The following FAM161A variants were observed in gnomAD, a reference collection of about 807,000 sequenced individuals.
FAM161A encodes the protein protein FAM161A.
A neutral mutation model predicts 70.9 loss-of-function variants in FAM161A; 57 were observed. The observed-to-expected ratio is 0.80, with a 90% CI of 0.65 to 1.00. FAM161A has a LOEUF of 1.00. Among genes scored for constraint, FAM161A ranks in the 50% least tolerant of loss-of-function variants. FAM161A has a pLI of 0.00. For missense variants in FAM161A, 880 were observed against 836.0 expected, an observed-to-expected ratio of 1.05 and a Z score of -0.65; for synonymous variants, 299 against 295.7, an observed-to-expected ratio of 1.01 and a Z score of -0.12.
the FAM161A span, among the ~76,000 whole-genome samples, chr2:61,819,074 G>A: frequency 2.6e-5 from 4 of 152,152 alleles, no homozygotes; most frequent in African/African-American, 9.7e-5. Flanking sequence ...AACAATTAGA[G>A]AAATCTAAAT....
intron 1 of FAM161A, among the ~76,000 whole-genome samples, chr2:61,850,454 T>C (rs113039242): frequency 0.17 from 26,050 of 152,106 alleles, 2,675 homozygotes; most frequent in Middle Eastern, 0.29. Flanking sequence ...TATGTATGTA[T>C]GTATATCGAC....
rs181814580 is a variant in FAM161A, at chr2:61,824,904, T to G, written c.*1551A>C. ...AGTACCTACCATATGTACAATACTG[T>G]TCCAAATATTAAGGGAATACAAAGA... is the stretch of plus-strand genomic sequence containing the variant. On this transcript the variant is annotated 3_prime_UTR_variant, in exon 7 of 7. Transcript: ENST00000404929. The G allele has an allele frequency of 2.3e-4, 102 of 450,198 alleles. No individual in the cohort carries two copies. The highest frequency in any genetic ancestry group is 4.8e-4 in the Admixed American group (20 of 41,688). The allele number at this position is 450,198 out of a possible 1,614,324, so 27.9% of individuals were successfully genotyped here.
At chr2:61,850,663 AGATT>A (rs1339857900) in intron 1 of FAM161A, among the ~76,000 whole-genome samples, 1 of 152,026 alleles carries the variant, frequency 6.6e-6, no homozygotes, top group East Asian at 1.9e-4. Context: ...TGAGGTGAGG[AGATT>A]GATTGATCCT....
At chr2:61,804,404 A>T in the FAM161A span, among the ~76,000 whole-genome samples, 18 of 151,866 alleles carry the variant, frequency 1.2e-4, no homozygotes, top group Admixed American at 1.2e-3. Context: ...TTCAAGATGG[A>T]GTTGCTCTGG....
the FAM161A span, among the ~76,000 whole-genome samples, chr2:61,811,206 AT>A: frequency 2.0e-5 from 3 of 151,890 alleles, no homozygotes; most frequent in East Asian, 1.9e-4. Context: ...TCTATTTATT[AT>A]TTTTTTATGA....
At chr2:61,800,580 C>G in the FAM161A span, among the ~76,000 whole-genome samples, 1 of 152,118 alleles carries the variant, frequency 6.6e-6, no homozygotes, top group Non-Finnish European at 1.5e-5. Context: ...CCTGGAAGCA[C>G]CAACAAGCCA....
rs964304472 is a variant in FAM161A at position 61,840,366 on chromosome 2, C to A, written c.638G>T (p.Arg213Leu). The A allele has an allele frequency of 3.1e-6, 5 of 1,613,900 alleles. No individual in the cohort carries two copies. In the African/African-American group the frequency reaches 6.7e-5, roughly 22 times the overall value. ...TGCATGGAAGCCAGTATCTTTACAG[C>A]GAATATAATCCTCAACACAAAAGTC... Reference protein sequence around the residue: ...WTDFCVEDYIRCKDTGFHAAE... With the variant: ...WTDFCVEDYILCKDTGFHAAE... The change falls in exon 3 of 7, where the codon CGC (arginine) becomes CTC (leucine). Residue 213 changes from arginine to leucine, a missense_variant. Physicochemically the swap from Arg to Leu is moderately radical, Grantham distance 102. Coordinates refer to ENST00000404929, the MANE Select transcript of FAM161A (RefSeq NM_001201543.2).
Position 61,839,709 on chromosome 2 carries a change from T to G in FAM161A, c.1295A>C (p.Glu432Ala). The G allele has an allele frequency of 6.2e-7, 1 of 1,614,212 alleles. No homozygotes were observed. The highest frequency in any genetic ancestry group is 8.5e-7 in the Non-Finnish European group (1 of 1,180,048). Residue 432 changes from glutamate to alanine, a missense_variant, in exon 3 of 7, where the codon GAG becomes GCG. By Grantham distance (107) the Glu-to-Ala change is moderately radical. Transcript: ENST00000404929. Reference sequence around the variant, plus strand: ...TTTCTGGTATCTCTCAGGAAGGTCCTCAAAATCAGGAGTTGGGCACCTAAC... The same window carrying G: ...TTTCTGGTATCTCTCAGGAAGGTCCGCAAAATCAGGAGTTGGGCACCTAAC... ...HKVRCPTPDF[E>A]DLPERYQKHL...
chr2:61,834,790 T>A (rs1214309745), intron 5 of FAM161A, among the ~76,000 whole-genome samples: 3 of 151,994 alleles, frequency 2.0e-5, no homozygotes, highest in Non-Finnish European at 4.4e-5. Flanking sequence ...AACCTGCGCA[T>A]ATACTCCTTG....
chr2:61,815,829 G>C, the FAM161A span, among the ~76,000 whole-genome samples: 3 of 151,984 alleles, frequency 2.0e-5, no homozygotes, highest in African/African-American at 7.3e-5. Flanking sequence ...GGGATTACAG[G>C]CGTGAGCCAC....
At chr2:61,835,002 A>T (rs1425704301) in intron 5 of FAM161A, among the ~76,000 whole-genome samples, 3 of 152,188 alleles carry the variant, frequency 2.0e-5, no homozygotes, top group Non-Finnish European at 4.4e-5. Flanking sequence ...TGTTAAAAAA[A>T]TCCATCACTT....
chr2:61,841,325 T>C (rs1324108503), intron 2 of FAM161A, among the ~76,000 whole-genome samples: 2 of 152,186 alleles, frequency 1.3e-5, no homozygotes, highest in Non-Finnish European at 2.9e-5. Flanking sequence ...TCTGCATTCA[T>C]ATCCAGTCCT....
chr2:61,820,108 G>T, downstream of FAM161A: 1 of 404,454 alleles, frequency 2.5e-6, no homozygotes, highest in Non-Finnish European at 4.6e-6. Flanking sequence ...TCTTAAATTA[G>T]GAATTGTGTT....
chr2:61,807,443 G>GTT, the FAM161A span, among the ~76,000 whole-genome samples: 1 of 151,844 alleles, frequency 6.6e-6, no homozygotes, highest in Non-Finnish European at 1.5e-5. Context: ...AAATATGTCT[G>GTT]TTTGTTGTAT....
chr2:61,844,185 T>G (rs1673123384), intron 1 of FAM161A, among the ~76,000 whole-genome samples: 1 of 152,132 alleles, frequency 6.6e-6, no homozygotes, highest in African/African-American at 2.4e-5. Flanking sequence ...GTGCAGAAAT[T>G]TGCTACCAAC....
At chr2:61,842,086 T>A in intron 2 of FAM161A, 36 bp downstream of exon 2, 1 of 1,279,322 alleles carries the variant, frequency 7.8e-7, no homozygotes, top group South Asian at 1.2e-5. Context: ...ACATTTTATT[T>A]TATACTCCAC....
chr2:61,839,201 T>C (rs1672899371), intron 3 of FAM161A, among the ~76,000 whole-genome samples: 1 of 152,106 alleles, frequency 6.6e-6, no homozygotes, highest in African/African-American at 2.4e-5. Context: ...CTAGAAATCT[T>C]AAGACTATTA....
the FAM161A span, among the ~76,000 whole-genome samples, chr2:61,804,810 G>GAAAGAA: frequency 3.5e-5 from 5 of 141,862 alleles, no homozygotes; most frequent in African/African-American, 1.3e-4. Context: ...AAGAAAGAAA[G>GAAAGAA]AAAGAAAGAG....
chr2:61,835,988 C>T lies in FAM161A; in HGVS notation c.1851+22G>A, dbSNP rs113608034. The T allele has an allele frequency of 1.0e-4, 150 of 1,461,044 alleles. 1 individual carries two copies. In the African/African-American group the frequency reaches 1.9e-3, roughly 18 times the overall value. 90.5% of individuals were successfully genotyped at this position (1,461,044 alleles called of 1,614,324 possible). ...AAAAAAAAAAAAACTGACGATAGCTCTTAAATTCCAATAAACACAACCTGA... is the reference window on the plus strand; with the variant it reads ...AAAAAAAAAAAAACTGACGATAGCTTTTAAATTCCAATAAACACAACCTGA... On this transcript the variant is annotated intron_variant, in intron 5 of 6. Coordinates refer to ENST00000404929, the MANE Select transcript of FAM161A (RefSeq NM_001201543.2).
Sources: gnomAD v4.1 joint callset for allele counts (sites outside exome capture counted in the v4.1 genomes callset) on GRCh38, gnomAD v4.1.1 for gene constraint, MANE v1.5 for transcripts, NCBI Gene and HGNC (gene_info 2026-07-23, HGNC 2026-07-21) for gene names.